CYP2R1: variants seen among roughly 807,000 people sequenced by gnomAD.
CYP2R1 encodes vitamin D 25-hydroxylase.
In CYP2R1, 40 loss-of-function variants were observed where a neutral mutation model predicts 45.7. The ratio of observed to expected loss-of-function variants is 0.87; its 90% confidence interval spans 0.68 to 1.14. The LOEUF is 1.14. Ranked by LOEUF, CYP2R1 falls within the 50% of genes most tolerant of loss-of-function variation. CYP2R1 has a pLI of 0.00. For missense variants in CYP2R1, 605 were observed against 602.6 expected (o/e 1.00, Z -0.04); for synonymous variants, 234 against 219.3 (o/e 1.07, Z -0.59).
chr11:14,889,993 G>A (rs1555016064), intron 1 of CYP2R1, among the ~76,000 whole-genome samples: 1 of 152,084 alleles, frequency 6.6e-6, no homozygotes, highest in African/African-American at 2.4e-5. Flanking sequence ...GCCGGGCGTG[G>A]TGGCGAGCAC....
At chr11:14,891,522 C>T in intron 1 of CYP2R1, 1 of 996,546 alleles carries the variant, frequency 1.0e-6, no homozygotes, top group Non-Finnish European at 1.2e-6. Flanking sequence ...CTGCAGACAC[C>T]GAAGAACCTG....
chr11:14,891,304 A>G (rs1357355123), intron 1 of CYP2R1: 8 of 985,434 alleles, frequency 8.1e-6, no homozygotes, highest in Non-Finnish European at 9.6e-6. Context: ...AGTGGCACAC[A>G]GAAGGCGCCT....
chr11:14,881,433 T>G (rs1416970443), intron 2 of CYP2R1, among the ~76,000 whole-genome samples: 2 of 152,114 alleles, frequency 1.3e-5, no homozygotes, highest in Non-Finnish European at 2.9e-5. Context: ...TTTTCTCCCT[T>G]AAATTAATTC....
chr11:14,888,607 C>G (rs1555015454), intron 1 of CYP2R1, among the ~76,000 whole-genome samples: 1 of 152,176 alleles, frequency 6.6e-6, no homozygotes. Context: ...TTGAACCACA[C>G]ATGGGAGCTT....
At chr11:14,886,694 T>C (rs1286912463) in intron 1 of CYP2R1, 1 of 152,260 alleles carries the variant, frequency 6.6e-6, no homozygotes, top group East Asian at 1.9e-4. Context: ...GATATTCCCT[T>C]ATCAGTGGAA....
chr11:14,880,756 G>A lies in CYP2R1; in HGVS notation c.380C>T (p.Ser127Phe), dbSNP rs1555012002. 2 of 1,607,342 alleles carry A rather than the reference G, an allele frequency of 1.2e-6. No homozygotes were observed. The highest frequency in any genetic ancestry group is 2.2e-5 in the East Asian group (1 of 44,840). Residue 127 changes from serine (S) to phenylalanine (F), a missense_variant, in exon 3 of 5, where the codon TCC (serine) becomes TTC (phenylalanine). Physicochemically the swap from Ser to Phe is radical, Grantham distance 155. Transcript: ENST00000334636. ...KMTKMGGLLN[S>F]RYGRGWVDHR... Reference sequence around the variant, plus strand: ...ATCAACCCATCCTCGGCCATATCTGGAATTGAGTAAGCCTGAAAAAAAATA... The same window carrying A: ...ATCAACCCATCCTCGGCCATATCTGAAATTGAGTAAGCCTGAAAAAAAATA...
intron 2 of CYP2R1, among the ~76,000 whole-genome samples, chr11:14,881,410 G>T (rs1848382110): frequency 1.3e-5 from 2 of 152,056 alleles, no homozygotes; most frequent in African/African-American, 4.8e-5. Flanking sequence ...TTTTGATGTT[G>T]CTACTATTGA....
chr11:14,883,518 T>C (rs2134045371), intron 2 of CYP2R1, among the ~76,000 whole-genome samples: 1 of 151,126 alleles, frequency 6.6e-6, no homozygotes, highest in South Asian at 2.1e-4. Context: ...CCTTACACCT[T>C]ATACAAAAAT....
At chr11:14,889,867 A>G (rs1392322223) in intron 1 of CYP2R1, among the ~76,000 whole-genome samples, 1 of 152,068 alleles carries the variant, frequency 6.6e-6, no homozygotes, top group Non-Finnish European at 1.5e-5. Flanking sequence ...AGTGGCTCAC[A>G]CCTGTAATCC....
intron 1 of CYP2R1, among the ~76,000 whole-genome samples, chr11:14,888,800 A>C (rs1005246873): frequency 3.3e-5 from 5 of 152,236 alleles, no homozygotes; most frequent in Non-Finnish European, 7.3e-5. Context: ...TGCTGTAAAA[A>C]TAAATTAATA....
In CYP2R1 at chr11:14,891,992, C is replaced by G; in HGVS notation, c.214G>C (p.Val72Leu). The change falls in exon 1 of 5, where the codon GTG (valine) becomes CTG (leucine). Residue 72 changes from valine to leucine, a missense_variant. Transcript: ENST00000334636. The part of the protein sequence containing the change: ...PHVYMRKQSQ[V>L]YGEIFSLDLG... ...CGTCGGGGCTGTACCTCTCCGTACACCTGGCTCTGCTTTCTCATGTAGACA... is the reference window on the plus strand; with the variant it reads ...CGTCGGGGCTGTACCTCTCCGTACAGCTGGCTCTGCTTTCTCATGTAGACA... 1 of 1,613,414 alleles carries G rather than the reference C, an allele frequency of 6.2e-7. No homozygotes were observed. Among genetic ancestry groups the G allele is most frequent in the African/African-American group, 1.3e-5 (1 of 75,050 alleles).
At chr11:14,881,238 G>A (rs1177439029) in intron 2 of CYP2R1, among the ~76,000 whole-genome samples, 1 of 152,000 alleles carries the variant, frequency 6.6e-6, no homozygotes, top group Non-Finnish European at 1.5e-5. Flanking sequence ...AAGGGATATG[G>A]TAGACAATCA....
chr11:14,891,692 C>CGCAGGA (rs1286767761), intron 1 of CYP2R1: 2 of 1,202,174 alleles, frequency 1.7e-6, no homozygotes, highest in Non-Finnish European at 2.1e-6. Flanking sequence ...ACGGCGCAGG[C>CGCAGGA]GCAGGAGCAA....
At chr11:14,884,716 TAAAA>T (rs1416884891) in intron 2 of CYP2R1, among the ~76,000 whole-genome samples, 1 of 151,656 alleles carries the variant, frequency 6.6e-6, no homozygotes, top group African/African-American at 2.4e-5. Flanking sequence ...AAAAAAGAAA[TAAAA>T]AAACACATAA....
intron 1 of CYP2R1, among the ~76,000 whole-genome samples, chr11:14,889,552 T>C (rs1278517800): frequency 3.3e-5 from 5 of 152,180 alleles, no homozygotes; most frequent in Admixed American, 6.5e-5. Flanking sequence ...CTCTGCCCCA[T>C]TGCAGCTAGT....
At chr11:14,886,631 T>A (rs1336621061) in intron 1 of CYP2R1, 1 of 152,392 alleles carries the variant, frequency 6.6e-6, no homozygotes. Context: ...ATGTCACACC[T>A]CCTGTAGTCT....
rs1848596931 is a variant in CYP2R1, at chr11:14,885,849, G to T, written c.294C>A (p.Cys98Ter). 6.2e-7 allele frequency: 1 copy of T among 1,613,310 alleles called. No individual in the cohort carries two copies. The stretch of plus-strand genomic sequence containing the variant: ...CAAAAATTTCGCTTTGATGAACAAG[G>T]CATTCCTTTACTACATCATAGCCAT... ...VLNGYDVVKECLVHQSEIFAD... is the reference protein window; with the variant it reads ...VLNGYDVVKE The change falls in exon 2 of 5, where the codon TGC becomes TGA. Residue 98 changes from cysteine (C) to a stop codon, truncating the protein, a stop_gained. Transcript: ENST00000334636. LOFTEE classifies it high-confidence loss of function.
At chr11:14,887,580 TATA>T in intron 1 of CYP2R1, 1 of 984,780 alleles carries the variant, frequency 1.0e-6, no homozygotes, top group Non-Finnish European at 1.2e-6. Context: ...ATGGGCTAAT[TATA>T]ATGCTGGCAG....
chr11:14,888,830 T>C lies in CYP2R1; in HGVS notation c.226-2913A>G, dbSNP rs74548254. On this transcript the variant is annotated intron_variant, in intron 1 of 4. Transcript: ENST00000334636. ...TTAATACGCTGTCAATTCTACTTGC[T>C]TTAATGGAATTATTTTATTGTCCTG... Among the ~76,000 whole-genome samples the C allele has an allele frequency of 7.9e-3, 1,197 of 152,308 alleles. 18 individuals are homozygous for C. Among genetic ancestry groups the C allele is most frequent in the African/African-American group, 0.027 (1,111 of 41,562 alleles).
Sources: gnomAD v4.1 joint callset for allele counts (sites outside exome capture counted in the v4.1 genomes callset) on GRCh38, gnomAD v4.1.1 for gene constraint, MANE v1.5 for transcripts, NCBI Gene and HGNC (gene_info 2026-07-23, HGNC 2026-07-21) for gene names.